PHF24: variants seen among roughly 807,000 people sequenced by gnomAD.
PHF24 encodes the protein Galpha inhibitory interacting protein.
PHF24 carries 25 observed loss-of-function variants against 42.6 expected under a neutral mutation model. The observed-to-expected ratio is 0.59, with a 90% confidence interval of 0.43 to 0.82. PHF24 has a LOEUF of 0.82. Among genes scored for constraint, PHF24 ranks in the 40% least tolerant of loss-of-function variants. PHF24 has a pLI of 0.00. For synonymous variants in PHF24, 185 were observed against 204.8 expected (o/e 0.90, Z 0.83); for missense variants, 470 against 538.1 (o/e 0.87, Z 1.25).
the PHF24 span, chr9:34,723,379 G>A: frequency 1.9e-6 from 3 of 1,551,612 alleles, no homozygotes; most frequent in Non-Finnish European, 1.7e-6. Flanking sequence ...CATCCAAGAA[G>A]GCTGGGCCCA....
the PHF24 span, chr9:34,690,477 G>A: frequency 1.3e-6 from 1 of 759,758 alleles, no homozygotes; most frequent in Non-Finnish European, 2.1e-6. Flanking sequence ...TGTCTGGTGG[G>A]GTCGGGGAGG....
the PHF24 span, chr9:34,723,017 C>G: frequency 1.5e-6 from 1 of 653,428 alleles, no homozygotes; most frequent in Non-Finnish European, 2.5e-6. Context: ...TCCCTTAACA[C>G]AATACAGCAG....
At chr9:34,925,238 G>T in the PHF24 span, among the ~76,000 whole-genome samples, 1 of 152,072 alleles carries the variant, frequency 6.6e-6, no homozygotes, top group Admixed American at 6.6e-5. Flanking sequence ...CTGTTAGTGG[G>T]GCCCCTTATA....
the PHF24 span, among the ~76,000 whole-genome samples, chr9:34,785,994 A>G: frequency 6.6e-6 from 1 of 152,204 alleles, no homozygotes. Flanking sequence ...GTCCTCATAC[A>G]AGATATGAGC....
the PHF24 span, among the ~76,000 whole-genome samples, chr9:34,910,589 A>G: frequency 6.6e-6 from 1 of 152,242 alleles, no homozygotes; most frequent in Non-Finnish European, 1.5e-5. Flanking sequence ...CAATTAAAAT[A>G]TGTAAGTAAA....
the PHF24 span, among the ~76,000 whole-genome samples, chr9:34,763,102 C>A: frequency 1.3e-5 from 2 of 152,112 alleles, no homozygotes; most frequent in Non-Finnish European, 2.9e-5. Context: ...TTACTGTAGC[C>A]TTGTAGTATA....
At chr9:34,895,429 A>T in the PHF24 span, 4 of 397,048 alleles carry the variant, frequency 1.0e-5, no homozygotes, top group Non-Finnish European at 1.8e-5. Flanking sequence ...ATAGCTGCCA[A>T]CCAGAATAAT....
chr9:34,715,698 C>T, the PHF24 span, among the ~76,000 whole-genome samples: 7,532 of 152,258 alleles, frequency 0.049, 355 homozygotes, highest in African/African-American at 0.12. Flanking sequence ...GTACACATGG[C>T]TGATTTCAGC....
chr9:34,701,478 C>T, the PHF24 span, among the ~76,000 whole-genome samples: 7 of 152,078 alleles, frequency 4.6e-5, no homozygotes, highest in African/African-American at 4.8e-5. The surrounding 1 kb of genome is among the most constrained non-coding windows in gnomAD (Gnocchi z 5.8). Context: ...GGAAGGGAGG[C>T]TCTGGAGTGG....
the PHF24 span, among the ~76,000 whole-genome samples, chr9:34,898,977 G>A: frequency 2.0e-5 from 3 of 152,184 alleles, no homozygotes; most frequent in Admixed American, 1.3e-4. Flanking sequence ...GCCAAAAATG[G>A]TCTCATGCCT....
At chr9:34,807,882 C>T in the PHF24 span, among the ~76,000 whole-genome samples, 4 of 152,098 alleles carry the variant, frequency 2.6e-5, no homozygotes, top group South Asian at 4.1e-4. Flanking sequence ...AGAAGCTTTA[C>T]GTGCACTGAC....
At chr9:34,908,854 T>C in the PHF24 span, among the ~76,000 whole-genome samples, 1 of 149,536 alleles carries the variant, frequency 6.7e-6, no homozygotes, top group Non-Finnish European at 1.5e-5. Context: ...TTTTTTTTTT[T>C]TTTCTTTTTT....
the PHF24 span, among the ~76,000 whole-genome samples, chr9:34,758,999 C>T: frequency 0.38 from 57,863 of 151,970 alleles, 13,202 homozygotes; most frequent in East Asian, 0.6. The surrounding 1 kb of genome is among the most constrained non-coding windows in gnomAD (Gnocchi z 4.4). Flanking sequence ...TCTCCACTCC[C>T]CCACTGCACT....
chr9:34,732,085 C>T, the PHF24 span, among the ~76,000 whole-genome samples: 1 of 148,008 alleles, frequency 6.8e-6, no homozygotes, highest in Admixed American at 6.8e-5. Flanking sequence ...TGGTCTTGAA[C>T]TCGTAGGCTC....
At chr9:34,867,204 G>A in the PHF24 span, among the ~76,000 whole-genome samples, 1 of 152,186 alleles carries the variant, frequency 6.6e-6, no homozygotes, top group Non-Finnish European at 1.5e-5. Context: ...ATTGCACTTA[G>A]GAAGCAAAGT....
chr9:34,875,279 C>T, the PHF24 span, among the ~76,000 whole-genome samples: 1 of 152,194 alleles, frequency 6.6e-6, no homozygotes, highest in East Asian at 1.9e-4. Context: ...CTATACTCCA[C>T]AATATTCTTC....
At chr9:34,913,971 C>T in the PHF24 span, among the ~76,000 whole-genome samples, 1 of 152,086 alleles carries the variant, frequency 6.6e-6, no homozygotes, top group Non-Finnish European at 1.5e-5. Flanking sequence ...CTTTCAACCC[C>T]ACTTTCAGAG....
chr9:34,901,654 G>A, the PHF24 span, among the ~76,000 whole-genome samples: 1 of 152,164 alleles, frequency 6.6e-6, no homozygotes, highest in Non-Finnish European at 1.5e-5. Context: ...GGTGGCTCAT[G>A]CCTGTAATCC....
the PHF24 span, among the ~76,000 whole-genome samples, chr9:34,867,424 C>T: frequency 8.8e-6 from 1 of 113,268 alleles, no homozygotes; most frequent in African/African-American, 3.2e-5. Context: ...TGGGGAGGTA[C>T]CAGGTAGACC....
Sources: gnomAD v4.1 joint callset for allele counts (sites outside exome capture counted in the v4.1 genomes callset) on GRCh38, gnomAD v4.1.1 for gene constraint, Gnocchi (gnomAD v3.1) non-coding constraint, MANE v1.5 for transcripts, NCBI Gene and HGNC (gene_info 2026-07-23, HGNC 2026-07-21) for gene names.